The following VAV3 variants were observed in gnomAD, a reference collection of about 807,000 sequenced individuals.
VAV3 encodes the protein vav guanine nucleotide exchange factor 3, also known as guanine nucleotide exchange factor VAV3.
A neutral mutation model predicts 131.2 loss-of-function variants in VAV3; 94 were observed. The observed-to-expected ratio is 0.72, with a 90% CI of 0.61 to 0.85. VAV3 has a LOEUF of 0.85. Ranked by LOEUF, VAV3 falls within the 40% of genes least tolerant of loss-of-function variation. The pLI is 0.00. For synonymous variants in VAV3, 349 were observed against 342.0 expected, an observed-to-expected ratio of 1.02 and a Z score of -0.22; for missense variants, 939 against 1,002.7, an observed-to-expected ratio of 0.94 and a Z score of 0.86.
chr1:107,704,722 G>A, intron 16 of VAV3, 72 bp from the exon 17 acceptor site: 23 of 1,299,226 alleles, frequency 1.8e-5, no homozygotes, highest in Admixed American at 1.5e-4. Flanking sequence ...ACTGCAAGAA[G>A]AAGAAAAAAA....
chr1:107,595,573 C>G (rs988860437), intron 25 of VAV3, among the ~76,000 whole-genome samples: 1 of 152,126 alleles, frequency 6.6e-6, no homozygotes, highest in African/African-American at 2.4e-5. Context: ...GTTACATGCT[C>G]TATCTCCAGG....
At chr1:107,840,335 T>C (rs1023883494) in intron 2 of VAV3, among the ~76,000 whole-genome samples, 3 of 151,384 alleles carry the variant, frequency 2.0e-5, no homozygotes, top group East Asian at 3.9e-4. Context: ...CAAAACAACA[T>C]GTATATTTTA....
chr1:107,937,330 T>C (rs894953502), intron 1 of VAV3, among the ~76,000 whole-genome samples: 13 of 152,336 alleles, frequency 8.5e-5, no homozygotes, highest in African/African-American at 3.1e-4. Flanking sequence ...CTCCAGCCTT[T>C]GCACAATGAA....
intron 13 of VAV3, 71 bp from the exon 14 acceptor site, chr1:107,749,665 A>C: frequency 6.6e-7 from 1 of 1,525,920 alleles, no homozygotes; most frequent in Non-Finnish European, 8.8e-7. Flanking sequence ...TTTTGGGTAT[A>C]AAGCAACCAA....
At chr1:107,625,254 C>CT (rs11331254) in intron 20 of VAV3, among the ~76,000 whole-genome samples, 6 of 124,388 alleles carry the variant, frequency 4.8e-5, no homozygotes, top group African/African-American at 8.5e-5. Context: ...GTAATTTAAT[C>CT]TTTTTTTTTT....
intron 22 of VAV3, among the ~76,000 whole-genome samples, chr1:107,607,666 A>G (rs1225483727): frequency 6.6e-6 from 1 of 152,226 alleles, no homozygotes; most frequent in Non-Finnish European, 1.5e-5. Flanking sequence ...CTTGTTCTGC[A>G]TACAGATTTT....
At position 107,573,103 on chromosome 1, in the gene VAV3, C is replaced by T; in HGVS notation, c.*228G>A. The T allele has an allele frequency of 2.0e-6, 1 of 497,212 alleles. No homozygotes were observed. The highest frequency in any genetic ancestry group is 4.0e-5 in the South Asian group (1 of 25,032). 30.8% of individuals were successfully genotyped at this position (497,212 alleles called of 1,614,324 possible). A position where few individuals can be genotyped will look rare whatever the true frequency, so the allele number is the denominator to read the frequency against. The stretch of plus-strand genomic sequence containing the variant: ...GTTTTGCCCTGGTCCCTGACAATGA[C>T]AGACTGGCAGGCTGTTTCTTGCACA... On this transcript the variant is annotated 3_prime_UTR_variant, in exon 27 of 27. Coordinates refer to ENST00000370056, the MANE Select transcript of VAV3 (RefSeq NM_006113.5).
At chr1:107,884,645 T>G (rs1305202628) in intron 1 of VAV3, among the ~76,000 whole-genome samples, 1 of 151,756 alleles carries the variant, frequency 6.6e-6, no homozygotes, top group Non-Finnish European at 1.5e-5. Flanking sequence ...AGATGAGGTC[T>G]CACTATGTTT....
intron 25 of VAV3, among the ~76,000 whole-genome samples, chr1:107,590,454 T>C (rs570250815): frequency 2.3e-4 from 35 of 152,288 alleles, no homozygotes; most frequent in Admixed American, 3.9e-4. Flanking sequence ...TAAGCCTATA[T>C]ACAAATGCCT....
chr1:107,954,114 T>A (rs1435857089), intron 1 of VAV3, among the ~76,000 whole-genome samples: 1 of 152,154 alleles, frequency 6.6e-6, no homozygotes, highest in East Asian at 1.9e-4. Context: ...TTTAACACCA[T>A]GAAGGGTCTA....
At position 107,686,129 on chromosome 1, in the gene VAV3, TA is replaced by T. The variant is rs1310895478; in HGVS notation, c.1731+2251del. Among the ~76,000 whole-genome samples the T allele has an allele frequency of 2.8e-3, 420 of 150,448 alleles. 1 individual carries two copies. Among genetic ancestry groups the T allele is most frequent in the African/African-American group, 9.0e-3 (368 of 40,964 alleles). On this transcript the variant is annotated intron_variant, in intron 18 of 26. Coordinates refer to ENST00000370056, the MANE Select transcript of VAV3 (RefSeq NM_006113.5). ...CCATTGCCTTATCTTTCTTTCCCTCTAAAAAAAAAGGGATTTAAAGTAGCTA... is the reference window on the plus strand; with the variant it reads ...CCATTGCCTTATCTTTCTTTCCCTCTAAAAAAAAGGGATTTAAAGTAGCTA...
At chr1:107,870,260 A>G (rs1670193055) in intron 2 of VAV3, among the ~76,000 whole-genome samples, 1 of 152,190 alleles carries the variant, frequency 6.6e-6, no homozygotes, top group South Asian at 2.1e-4. Flanking sequence ...CCAGCAGCGT[A>G]GAAGTGTTCC....
intron 2 of VAV3, among the ~76,000 whole-genome samples, chr1:107,799,041 T>C (rs957251451): frequency 3.9e-5 from 6 of 152,130 alleles, no homozygotes; most frequent in Non-Finnish European, 1.5e-5. Context: ...GCACAGCTTA[T>C]CAGGAAAAAG....
intron 20 of VAV3, among the ~76,000 whole-genome samples, chr1:107,628,621 A>T (rs1194869013): frequency 6.6e-6 from 1 of 152,228 alleles, no homozygotes; most frequent in Non-Finnish European, 1.5e-5. Flanking sequence ...ACATAAAGTG[A>T]TGTTTTGTTT....
At chr1:107,704,725 G>GA in intron 16 of VAV3, 75 bp from the exon 17 acceptor site, 5 of 1,263,314 alleles carry the variant, frequency 4.0e-6, no homozygotes, top group Admixed American at 1.9e-5. Context: ...GCAAGAAGAA[G>GA]AAAAAAAGTA....
intron 1 of VAV3, among the ~76,000 whole-genome samples, chr1:107,883,084 T>G (rs1191635423): frequency 4.6e-5 from 7 of 152,238 alleles, no homozygotes; most frequent in Admixed American, 2.6e-4. Context: ...ATGGGTAATT[T>G]TTTAAGTCAT....
At chr1:107,607,246 C>G (rs1234852865) in intron 22 of VAV3, among the ~76,000 whole-genome samples, 1 of 152,066 alleles carries the variant, frequency 6.6e-6, no homozygotes. Context: ...GTCAACACGC[C>G]CAGCTGAGTC....
intron 19 of VAV3, among the ~76,000 whole-genome samples, chr1:107,670,115 A>C (rs1657679155): frequency 6.6e-6 from 1 of 152,196 alleles, no homozygotes; most frequent in Non-Finnish European, 1.5e-5. Flanking sequence ...GAGGCTTATT[A>C]AATTGTCCAA....
intron 15 of VAV3, among the ~76,000 whole-genome samples, chr1:107,712,779 G>A (rs1450749256): frequency 1.3e-5 from 2 of 152,146 alleles, no homozygotes; most frequent in South Asian, 2.1e-4. Flanking sequence ...GGGTGGAAGC[G>A]GGGAGAAGAA....
Sources: gnomAD v4.1 joint callset for allele counts (sites outside exome capture counted in the v4.1 genomes callset) on GRCh38, gnomAD v4.1.1 for gene constraint, MANE v1.5 for transcripts, NCBI Gene and HGNC (gene_info 2026-07-23, HGNC 2026-07-21) for gene names.